Variants in NRXN3 observed in about 807,000 individuals in gnomAD.
The protein encoded by NRXN3 is neurexin 3.
A neutral mutation model predicts 137.6 loss-of-function variants in NRXN3; 32 were observed. That is an observed-to-expected ratio of 0.23 (90% CI 0.18 to 0.31). The LOEUF (loss-of-function observed/expected upper bound fraction) is 0.31, where lower values mean the gene tolerates loss of function less well. NRXN3 is among the 10% of genes least tolerant of loss of function. The pLI is 1.00. For synonymous variants in NRXN3, 798 were observed against 784.5 expected (o/e 1.02, Z -0.29); for missense variants, 1,574 against 2,062.5 (o/e 0.76, Z 4.59).
At chr14:79,608,933 G>A (rs535564922) in intron 16 of NRXN3, among the ~76,000 whole-genome samples, 16 of 152,132 alleles carry the variant, frequency 1.1e-4, no homozygotes, top group South Asian at 2.1e-4. Flanking sequence ...GCTTCAAAAC[G>A]TTCTATATAA....
chr14:78,178,581 G>A (rs575395759), intron 1 of NRXN3, among the ~76,000 whole-genome samples: 45 of 152,246 alleles, frequency 3.0e-4, no homozygotes, highest in African/African-American at 1.1e-3. Context: ...ACCTGCATGG[G>A]ACAGCCACAC....
At chr14:78,507,412 C>T (rs1178223150) in intron 4 of NRXN3, among the ~76,000 whole-genome samples, 2 of 152,172 alleles carry the variant, frequency 1.3e-5, no homozygotes, top group East Asian at 1.9e-4. Flanking sequence ...CAGGGTTATT[C>T]CATTACTACA....
chr14:79,724,322 T>C (rs1219303764), intron 19 of NRXN3, among the ~76,000 whole-genome samples: 2 of 152,106 alleles, frequency 1.3e-5, no homozygotes, highest in African/African-American at 2.4e-5. Context: ...AACTCTCTAT[T>C]CCACAGACAT....
chr14:78,463,353 T>C (rs2094984452), intron 4 of NRXN3, among the ~76,000 whole-genome samples: 1 of 107,512 alleles, frequency 9.3e-6, no homozygotes, highest in South Asian at 3.0e-4. Flanking sequence ...GTGGCTGCAA[T>C]AAACATATGA....
chr14:79,271,049 C>T (rs1367812271), intron 15 of NRXN3, among the ~76,000 whole-genome samples: 1 of 152,100 alleles, frequency 6.6e-6, no homozygotes, highest in Admixed American at 6.6e-5. Context: ...GGAAAGTGAC[C>T]ATTTATTTTA....
intron 19 of NRXN3, among the ~76,000 whole-genome samples, chr14:79,783,501 C>T (rs980103541): frequency 7.2e-5 from 11 of 152,146 alleles, no homozygotes; most frequent in Non-Finnish European, 8.8e-5. Flanking sequence ...ATTCCCATTG[C>T]TGTATTGCCT....
intron 4 of NRXN3, among the ~76,000 whole-genome samples, chr14:78,495,361 TA>T (rs1034686551): frequency 6.6e-6 from 1 of 151,872 alleles, no homozygotes; most frequent in African/African-American, 2.4e-5. Flanking sequence ...AATGCCAGAA[TA>T]AAAAAATGAC....
Position 78,607,277 on chromosome 14 carries a change from A to AAT in NRXN3, c.758-37838_758-37837dup, listed in dbSNP as rs145963226. On this transcript the variant is annotated intron_variant, in intron 4 of 20. Transcript: ENST00000335750. ...GTTTGAGCAATCAGAGATGAATTCT[A>AAT]ATATATGGAATCCTTTCCCGCTGAG... Among the ~76,000 whole-genome samples the AAT allele has an allele frequency of 3.9e-3, 591 of 152,298 alleles. 5 individuals are homozygous for AAT. Among genetic ancestry groups the AAT allele is most frequent in the African/African-American group, 0.013 (540 of 41,574 alleles).
At chr14:78,753,993 C>T (rs1052279785) in intron 8 of NRXN3, 2 of 152,148 alleles carry the variant, frequency 1.3e-5, no homozygotes, top group African/African-American at 4.8e-5. Flanking sequence ...TTCAGCAATT[C>T]ATGAATCAGG....
intron 20 of NRXN3, among the ~76,000 whole-genome samples, chr14:79,852,104 C>A (rs1163544144): frequency 1.3e-5 from 2 of 152,038 alleles, no homozygotes; most frequent in African/African-American, 4.8e-5. Context: ...ATTATAACCC[C>A]TCTATGCCCG....
At chr14:79,420,296 G>T (rs908211580) in intron 15 of NRXN3, among the ~76,000 whole-genome samples, 16 of 152,172 alleles carry the variant, frequency 1.1e-4, no homozygotes, top group Non-Finnish European at 2.2e-4. Context: ...AAATAGAAAT[G>T]AATGACAGAG....
intron 4 of NRXN3, among the ~76,000 whole-genome samples, chr14:78,455,953 A>G (rs767715386): frequency 6.6e-6 from 1 of 152,192 alleles, no homozygotes; most frequent in African/African-American, 2.4e-5. Flanking sequence ...GGAAAGCCTT[A>G]GTCTTCTCTT....
chr14:78,256,673 A>G (rs894499313), intron 2 of NRXN3, among the ~76,000 whole-genome samples: 5 of 152,258 alleles, frequency 3.3e-5, no homozygotes. Context: ...AATTTGTTCA[A>G]CAGATGACAT....
In NRXN3 at chr14:79,154,177, A is replaced by G. The variant is rs1253476919; in HGVS notation, c.3262+166036A>G. Among the ~76,000 whole-genome samples the G allele has an allele frequency of 2.0e-5, 3 of 151,962 alleles. No homozygotes were observed. In the East Asian group the frequency reaches 5.8e-4, roughly 29 times the overall value. On this transcript the variant is annotated intron_variant, in intron 15 of 20. Transcript: ENST00000335750. Reference sequence around the variant, plus strand: ...TATTGAGCACTGCCCAACTCAATTCACTTAGCTTGCAATGTGAATGGCTTC... The same window carrying G: ...TATTGAGCACTGCCCAACTCAATTCGCTTAGCTTGCAATGTGAATGGCTTC...
chr14:78,925,327 A>T (rs2152836870), intron 10 of NRXN3, among the ~76,000 whole-genome samples: 1 of 152,318 alleles, frequency 6.6e-6, no homozygotes, highest in South Asian at 2.1e-4. Flanking sequence ...GCCATGGAGA[A>T]CATTTATTAC....
At chr14:79,767,799 C>G (rs1266032694) in intron 19 of NRXN3, among the ~76,000 whole-genome samples, 1 of 152,180 alleles carries the variant, frequency 6.6e-6, no homozygotes, top group African/African-American at 2.4e-5. Context: ...CAGCTCTGGT[C>G]TACAGCTCCC....
chr14:78,892,194 T>G (rs2099160938), intron 10 of NRXN3, among the ~76,000 whole-genome samples: 1 of 151,990 alleles, frequency 6.6e-6, no homozygotes, highest in South Asian at 2.1e-4. Flanking sequence ...CGTTAAAATT[T>G]CAGAACCACT....
At chr14:79,485,843 A>G (rs1042208774) in intron 16 of NRXN3, among the ~76,000 whole-genome samples, 2 of 152,186 alleles carry the variant, frequency 1.3e-5, no homozygotes, top group African/African-American at 4.8e-5. Flanking sequence ...CTGTTAGAGC[A>G]ATCCTGGAAG....
intron 15 of NRXN3, among the ~76,000 whole-genome samples, chr14:79,168,312 A>G (rs1193680383): frequency 6.6e-6 from 1 of 152,056 alleles, no homozygotes; most frequent in Admixed American, 6.6e-5. Context: ...GTTGTGTGAT[A>G]ATATTTACCT....
Sources: gnomAD v4.1 joint callset for allele counts (sites outside exome capture counted in the v4.1 genomes callset) on GRCh38, gnomAD v4.1.1 for gene constraint, MANE v1.5 for transcripts, NCBI Gene and HGNC (gene_info 2026-07-23, HGNC 2026-07-21) for gene names.